MEIS1: variants seen among roughly 807,000 people sequenced by gnomAD.
MEIS1 encodes homeobox protein Meis1.
Under a neutral mutation model 50.8 loss-of-function variants are expected in MEIS1, and 5 were observed. That is an observed-to-expected ratio of 0.10 (90% CI 0.05 to 0.21). MEIS1 has a LOEUF of 0.21. Ranked by LOEUF, MEIS1 falls within the 10% of genes least tolerant of loss-of-function variation. The pLI is 1.00. For synonymous variants in MEIS1, 176 were observed against 179.3 expected (o/e 0.98, Z 0.15); for missense variants, 318 against 517.3 (o/e 0.61, Z 3.74).
chr2:66,520,348 G>A (rs62144054), intron 8 of MEIS1, among the ~76,000 whole-genome samples: 9,667 of 151,042 alleles, frequency 0.064, 409 homozygotes, highest in Middle Eastern at 0.11. Flanking sequence ...GGGCTTGGTG[G>A]TAGGCACCTA....
chr2:66,446,768 C>G (rs557734590), intron 6 of MEIS1, among the ~76,000 whole-genome samples: 119 of 152,316 alleles, frequency 7.8e-4, no homozygotes, highest in Non-Finnish European at 1.3e-3. Flanking sequence ...CAAGTGCTGC[C>G]GAGCTCCCGG....
chr2:66,458,223 G>C (rs2103730634), intron 6 of MEIS1, among the ~76,000 whole-genome samples: 1 of 152,276 alleles, frequency 6.6e-6, no homozygotes, highest in African/African-American at 2.4e-5. Flanking sequence ...TGACTGACTG[G>C]GAAGATGTGT....
chr2:66,568,474 A>G (rs1675404665), intron 10 of MEIS1, 193 bp from the exon 11 acceptor site: 2 of 492,198 alleles, frequency 4.1e-6, no homozygotes, highest in Non-Finnish European at 7.4e-6. Context: ...TTTGAGCTAG[A>G]TGTTTTAAAA....
At chr2:66,446,108 G>A (rs1224424251) in intron 6 of MEIS1, among the ~76,000 whole-genome samples, 2 of 152,132 alleles carry the variant, frequency 1.3e-5, no homozygotes, top group African/African-American at 4.8e-5. Context: ...CTGCGACCCC[G>A]GAGCAGAGGG....
At position 66,452,293 on chromosome 2, in the gene MEIS1, T is replaced by C. The variant is rs746835984; in HGVS notation, c.630+9245T>C. On this transcript the variant is annotated intron_variant, in intron 6 of 12. Coordinates refer to ENST00000272369, the MANE Select transcript of MEIS1 (RefSeq NM_002398.3). ...AGTGTCAGGAGTAACCACCCTGCCC[T>C]TCACTCTTGAACATATAAATGTATT... Among the ~76,000 whole-genome samples the C allele has an allele frequency of 7.8e-4, 119 of 152,046 alleles. 2 individuals carry two copies. The highest frequency in any genetic ancestry group is 5.2e-4 in the Admixed American group (8 of 15,282).
intron 7 of MEIS1, among the ~76,000 whole-genome samples, chr2:66,504,417 G>A (rs939764777): frequency 6.6e-6 from 1 of 151,832 alleles, no homozygotes; most frequent in Non-Finnish European, 1.5e-5. Context: ...TATTTTTTTA[G>A]TGGAGATGGG....
chr2:66,473,378 C>CAAAAAAAAAAAAA (rs71409174), intron 7 of MEIS1, among the ~76,000 whole-genome samples: 7 of 53,938 alleles, frequency 1.3e-4, no homozygotes, highest in East Asian at 1.0e-3. Context: ...GACTCCATGT[C>CAAAAAAAAAAAAA]AAAAAAAAAA....
chr2:66,511,385 G>A (rs1673826394), intron 7 of MEIS1, among the ~76,000 whole-genome samples: 1 of 151,940 alleles, frequency 6.6e-6, no homozygotes, highest in South Asian at 2.1e-4. Flanking sequence ...CAATATAGAG[G>A]AATATGTTAG....
chr2:66,550,541 G>A (rs1397030337), intron 9 of MEIS1, among the ~76,000 whole-genome samples: 9 of 151,936 alleles, frequency 5.9e-5, no homozygotes, highest in Admixed American at 3.3e-4. Flanking sequence ...TCTGTTGTCC[G>A]GGCTGGAGTG....
At chr2:66,487,843 G>A (rs1673179043) in intron 7 of MEIS1, among the ~76,000 whole-genome samples, 2 of 152,196 alleles carry the variant, frequency 1.3e-5, no homozygotes, top group South Asian at 4.1e-4. Flanking sequence ...AACCTAGCTA[G>A]AATGAAGAAC....
At chr2:66,524,292 T>C (rs938219935) in intron 8 of MEIS1, among the ~76,000 whole-genome samples, 2 of 152,210 alleles carry the variant, frequency 1.3e-5, no homozygotes, top group African/African-American at 4.8e-5. Context: ...CTAGGAGCAG[T>C]GGCTGTTGCC....
In MEIS1 at chr2:66,493,031, C is replaced by T. The variant is rs555083590; in HGVS notation, c.743-19118C>T. Among the ~76,000 whole-genome samples, 7 of 152,210 alleles carry T rather than the reference C, an allele frequency of 4.6e-5. No homozygotes were observed. In the East Asian group the frequency reaches 5.8e-4, roughly 13 times the overall value. On this transcript the variant is annotated intron_variant, in intron 7 of 12. Transcript: ENST00000272369. ...TCAGGTGGCCTTTAAATTTGAGGGG[C>T]GGACTTTGGGACCATGTTGCTTGGC...
chr2:66,550,609 G>A (rs116497877), intron 9 of MEIS1, among the ~76,000 whole-genome samples: 1,686 of 152,024 alleles, frequency 0.011, 31 homozygotes, highest in African/African-American at 0.038. Flanking sequence ...TAATCCTCCT[G>A]ACTCAGCCTC....
At chr2:66,453,548 T>C (rs1672321426) in intron 6 of MEIS1, among the ~76,000 whole-genome samples, 1 of 151,948 alleles carries the variant, frequency 6.6e-6, no homozygotes, top group Non-Finnish European at 1.5e-5. Flanking sequence ...AGATAAATAA[T>C]GAAGGAAGGG....
intron 7 of MEIS1, among the ~76,000 whole-genome samples, chr2:66,483,261 C>G (rs183353876): frequency 7.4e-5 from 10 of 135,826 alleles, no homozygotes; most frequent in African/African-American, 2.8e-4. Flanking sequence ...TTGTGGAGAA[C>G]GGGGTCTCGC....
intron 6 of MEIS1, among the ~76,000 whole-genome samples, chr2:66,449,017 C>T (rs1056290796): frequency 1.3e-5 from 2 of 151,564 alleles, no homozygotes; most frequent in Non-Finnish European, 2.9e-5. Context: ...ATGACATAAT[C>T]GAAACAAAAT....
In MEIS1 at chr2:66,572,089, T is replaced by C. The variant is rs547073241; in HGVS notation, c.*881T>C. On this transcript the variant is annotated 3_prime_UTR_variant, in exon 13 of 13. Coordinates refer to ENST00000272369, the MANE Select transcript of MEIS1 (RefSeq NM_002398.3). ...TGTCTAATTCATTTACTCACCATAT[T>C]TGAATTGGCCTGAACAGATGTAAAT... 1 of 158,706 alleles carries C rather than the reference T, an allele frequency of 6.3e-6. No individual in the cohort carries two copies. The highest frequency in any genetic ancestry group is 1.4e-5 in the Non-Finnish European group (1 of 73,122). 9.8% of individuals were successfully genotyped at this position (158,706 alleles called of 1,614,324 possible).
In MEIS1 at chr2:66,573,232, C is replaced by G. The variant is rs1042280755; in HGVS notation, c.*2024C>G. On this transcript the variant is annotated 3_prime_UTR_variant, in exon 13 of 13. Transcript: ENST00000272369. ...TAACCAATTTTCCAGAACAGCTGTA[C>G]AAGATTTCTGCATGGCAGCCGGCTA... 2.0e-5 allele frequency: 3 copies of G among 152,060 alleles called. No individual in the cohort carries two copies. The highest frequency in any genetic ancestry group is 7.2e-5 in the African/African-American group (3 of 41,408). The allele number at this position is 152,060 out of a possible 1,614,324, so 9.4% of individuals were successfully genotyped here. A position where few individuals can be genotyped will look rare whatever the true frequency, so the allele number is the denominator to read the frequency against.
rs980859773 is a variant in MEIS1 at position 66,516,705 on chromosome 2, C to T, written c.888+4411C>T. ...GTAGAATCTTCCAGGTTGAGAATAG[C>T]GTTTCCATAGTAACACTATTAGATG... On this transcript the variant is annotated intron_variant, in intron 8 of 12. Coordinates refer to ENST00000272369, the MANE Select transcript of MEIS1 (RefSeq NM_002398.3). Among the ~76,000 whole-genome samples the T allele has an allele frequency of 3.6e-4, 54 of 151,954 alleles. 1 individual carries two copies. The highest frequency in any genetic ancestry group is 1.2e-3 in the African/African-American group (51 of 41,352).
Sources: allele counts gnomAD v4.1 joint callset (sites outside exome capture counted in the v4.1 genomes callset), GRCh38; gene constraint gnomAD v4.1.1; transcripts MANE v1.5; gene names NCBI Gene and HGNC (gene_info 2026-07-23, HGNC 2026-07-21).